The following BLM variants were observed in gnomAD, a reference collection of about 807,000 sequenced individuals.
BLM encodes the protein recQ-like DNA helicase BLM.
In BLM, 95 loss-of-function variants were observed where a neutral mutation model predicts 135.3. That is an observed-to-expected ratio of 0.70 (90% confidence interval 0.59 to 0.83). The LOEUF (loss-of-function observed/expected upper bound fraction) is 0.83, where lower values mean the gene tolerates loss of function less well. Ranked by LOEUF, BLM falls within the 40% of genes least tolerant of loss-of-function variation. The pLI, the probability that BLM is intolerant of heterozygous loss-of-function variation, is 0.00. For missense variants in BLM, 1,518 were observed against 1,663.9 expected, an observed-to-expected ratio of 0.91 and a Z score of 1.53; for synonymous variants, 520 against 589.2, an observed-to-expected ratio of 0.88 and a Z score of 1.70.
At chr15:90,758,935 C>T (rs1596227298) in intron 5 of BLM, among the ~76,000 whole-genome samples, 1 of 152,134 alleles carries the variant, frequency 6.6e-6, no homozygotes, top group African/African-American at 2.4e-5. Context: ...AGCCTGGATT[C>T]CAGGCAGATC....
chr15:90,747,659 C>A (rs1895540613), intron 2 of BLM, 169 bp downstream of exon 2: 3 of 611,622 alleles, frequency 4.9e-6, no homozygotes, highest in South Asian at 3.9e-5. Context: ...TTAGCAGCAC[C>A]AGGTGAGATT....
chr15:90,769,687 CCCCCA>C lies in BLM; in HGVS notation c.2555+111_2555+115del. On this transcript the variant is annotated intron_variant, in intron 12 of 21. Coordinates refer to ENST00000355112, the MANE Select transcript of BLM (RefSeq NM_000057.4). ...GTGGCGCTTTAACGCCACCACCCCA[CCCCCA>C]CCCCACCCCCATGCCCAAGTTGTAA... The C allele has an allele frequency of 9.5e-6, 13 of 1,374,814 alleles. No individual in the cohort carries two copies. The South Asian group carries it at 1.4e-4, about 15-fold the overall frequency. The allele number at this position is 1,374,814 out of a possible 1,614,324, so 85.2% of individuals were successfully genotyped here.
chr15:90,737,326 AATAG>A (rs1364690712), intron 1 of BLM, among the ~76,000 whole-genome samples: 1 of 152,166 alleles, frequency 6.6e-6, no homozygotes, highest in Non-Finnish European at 1.5e-5. Context: ...TAGATACAGA[AATAG>A]ATAGAAGTGT....
At chr15:90,760,550 T>C in intron 6 of BLM, 44 bp from the exon 7 acceptor site, 1 of 1,553,600 alleles carries the variant, frequency 6.4e-7, no homozygotes, top group South Asian at 1.2e-5. Flanking sequence ...CCTACCAGAG[T>C]AAACTACTTA....
intron 19 of BLM, among the ~76,000 whole-genome samples, chr15:90,806,854 G>T (rs1236991295): frequency 6.6e-6 from 1 of 152,160 alleles, no homozygotes; most frequent in African/African-American, 2.4e-5. Context: ...ACTATATTAA[G>T]ATACTGTTAC....
intron 8 of BLM, among the ~76,000 whole-genome samples, chr15:90,763,679 A>G (rs962245047): frequency 1.3e-5 from 2 of 152,190 alleles, no homozygotes; most frequent in Non-Finnish European, 2.9e-5. Flanking sequence ...TGATAGCAGT[A>G]AAGTACCTGG....
chr15:90,794,241 A>C lies in BLM; in HGVS notation c.3094A>C (p.Asn1032His), dbSNP rs1311585637. The C allele has an allele frequency of 6.2e-7, 1 of 1,606,020 alleles. No individual in the cohort carries two copies. Among genetic ancestry groups the C allele is most frequent in the Non-Finnish European group, 8.5e-7 (1 of 1,175,256 alleles). ...NLYSMVHYCE[N>H]ITECRRIQLL... ...GTATAGCATGGTACATTACTGTGAA[A>C]ATATAACGGAATGCAGGAGAATACA... is the stretch of plus-strand genomic sequence containing the variant. Residue 1032 changes from asparagine (N) to histidine (H), a missense_variant, in exon 16 of 22, where the codon AAT (asparagine) becomes CAT (histidine). By Grantham distance (68) the Asn-to-His change is moderately conservative. This residue lies in a region of BLM where 626 missense variants were observed against 681.1 expected (regional missense o/e 0.92). Transcript: ENST00000355112.
Position 90,775,471 on chromosome 15 carries a change from T to C in BLM, c.2555+5885T>C, listed in dbSNP as rs1468731089. 2.7e-5 allele frequency among the ~76,000 whole-genome samples: 4 copies of C among 148,548 alleles called. No homozygotes were observed. In the East Asian group the frequency reaches 7.8e-4, roughly 29 times the overall value. On this transcript the variant is annotated intron_variant, in intron 12 of 21. Transcript: ENST00000355112. ...TTTAAATATATATATAATATATATG[T>C]ATTTTATATATATGTGTGTTTTTAT...
In BLM at chr15:90,815,038, A is replaced by AAAG; in HGVS notation, c.4077-64_4077-63insAAG. On this transcript the variant is annotated intron_variant, in intron 21 of 21. Coordinates refer to ENST00000355112, the MANE Select transcript of BLM (RefSeq NM_000057.4). This position sits in a 1 kb window ranked among gnomAD's most constrained non-coding sequence, Gnocchi z 4.6. Reference sequence around the variant, plus strand: ...TGGTATTGTAGCTCTGTGCAGGTTGAGAGGAAGGTCATTCATTTTTGGTTT... The same window carrying AAAG: ...TGGTATTGTAGCTCTGTGCAGGTTGAAAGGAGGAAGGTCATTCATTTTTGGTTT... 1 of 1,092,962 alleles carries AAAG rather than the reference A, an allele frequency of 9.1e-7. No homozygotes were observed. The highest frequency in any genetic ancestry group is 1.3e-6 in the Non-Finnish European group (1 of 771,384). 67.7% of individuals were successfully genotyped at this position (1,092,962 alleles called of 1,614,324 possible).
chr15:90,748,377 GGATTACAGGCGT>G (rs1252528237), intron 2 of BLM, among the ~76,000 whole-genome samples: 3 of 152,104 alleles, frequency 2.0e-5, no homozygotes, highest in Non-Finnish European at 4.4e-5. Flanking sequence ...CAAAGTGCTG[GGATTACAGGCGT>G]GAGCCACCAC....
intron 14 of BLM, among the ~76,000 whole-genome samples, chr15:90,786,004 T>C (rs865971107): frequency 1.0e-4 from 14 of 140,380 alleles, no homozygotes; most frequent in Middle Eastern, 3.5e-3. Context: ...CTTTCTTTTT[T>C]TTTTTTTTTT....
intron 1 of BLM, among the ~76,000 whole-genome samples, chr15:90,730,449 T>C (rs1241080541): frequency 6.6e-6 from 1 of 152,114 alleles, no homozygotes; most frequent in African/African-American, 2.4e-5. Context: ...AGTTGTGTTT[T>C]TTTTTGTTGT....
chr15:90,721,897 C>G (rs1894775793), intron 1 of BLM, among the ~76,000 whole-genome samples: 1 of 151,784 alleles, frequency 6.6e-6, no homozygotes, highest in Non-Finnish European at 1.5e-5. Flanking sequence ...CACCACTCCA[C>G]TCCAGCCTGG....
chr15:90,750,953 T>C (rs1298532831), intron 3 of BLM, among the ~76,000 whole-genome samples: 1 of 152,194 alleles, frequency 6.6e-6, no homozygotes, highest in Non-Finnish European at 1.5e-5. Flanking sequence ...GAGGTTAAAA[T>C]GGTGGTTAGT....
At chr15:90,808,949 C>A in intron 19 of BLM, 188 bp from the exon 20 acceptor site, 1 of 722,906 alleles carries the variant, frequency 1.4e-6, no homozygotes, top group Non-Finnish European at 2.4e-6. Flanking sequence ...ATGGTGGGTT[C>A]CTGCCCTCTG....
At chr15:90,769,643 C>T (rs907529335) in intron 12 of BLM, 57 bp downstream of exon 12, 10 of 1,573,588 alleles carry the variant, frequency 6.4e-6, no homozygotes, top group Non-Finnish European at 8.7e-6. Context: ...GCCAGAGCTG[C>T]TACATGTTAG....
intron 6 of BLM, 82 bp downstream of exon 6, chr15:90,760,361 C>T (rs1262728042): frequency 1.3e-6 from 2 of 1,574,126 alleles, no homozygotes. Context: ...GCAAAATGTT[C>T]AGGCTTTCTG....
intron 1 of BLM, among the ~76,000 whole-genome samples, chr15:90,740,325 C>T (rs1026798013): frequency 6.6e-6 from 1 of 152,170 alleles, no homozygotes; most frequent in Non-Finnish European, 1.5e-5. Context: ...TAAATGGAAT[C>T]ATACACTAGT....
At chr15:90,720,463 A>G (rs1291681231) in intron 1 of BLM, among the ~76,000 whole-genome samples, 1 of 152,210 alleles carries the variant, frequency 6.6e-6, no homozygotes, top group Admixed American at 6.5e-5. Context: ...AAACACTTGA[A>G]CTATTTTTAT....
Sources: gnomAD v4.1 joint callset for allele counts (sites outside exome capture counted in the v4.1 genomes callset) on GRCh38, gnomAD v4.1.1 for gene constraint, gnomAD v4.1.1 regional missense constraint, Gnocchi (gnomAD v3.1) non-coding constraint, MANE v1.5 for transcripts, NCBI Gene and HGNC (gene_info 2026-07-23, HGNC 2026-07-21) for gene names.